Variants in PLXNA1 observed in about 807,000 individuals in gnomAD.
PLXNA1 encodes the protein plexin A1, also known as plexin-A1.
In PLXNA1, 77 loss-of-function variants were observed where a neutral mutation model predicts 191.7. That is an observed-to-expected ratio of 0.40 (90% CI 0.33 to 0.49). The LOEUF is 0.49. Among genes scored for constraint, PLXNA1 ranks in the 20% least tolerant of loss-of-function variants. The probability of loss-of-function intolerance (pLI) is 0.63; values close to 1 mark genes in which losing one functional copy is unlikely to be tolerated. For synonymous variants in PLXNA1, 1,137 were observed against 1,156.4 expected, an observed-to-expected ratio of 0.98 and a Z score of 0.34; for missense variants, 2,110 against 2,660.2, an observed-to-expected ratio of 0.79 and a Z score of 4.55.
chr3:127,033,814 T>C, intron 31 of PLXNA1, 108 bp from the exon 32 acceptor site: 4 of 892,626 alleles, frequency 4.5e-6, no homozygotes, highest in Non-Finnish European at 6.9e-6. Context: ...TGGCCAGGGG[T>C]AGATGGGGTT....
At chr3:126,998,940 A>G (rs570101940) in intron 3 of PLXNA1, among the ~76,000 whole-genome samples, 5 of 152,258 alleles carry the variant, frequency 3.3e-5, no homozygotes, top group African/African-American at 1.2e-4. Context: ...TAATTACCCA[A>G]TTACTGCCAA....
At position 127,034,179 on chromosome 3, in the gene PLXNA1, G is replaced by T. The variant is rs2079227946; in HGVS notation, c.*162G>T. 8.1e-6 allele frequency: 5 copies of T among 614,616 alleles called. No homozygotes were observed. The Admixed American group carries it at 1.1e-4, about 14-fold the overall frequency. The allele number at this position is 614,616 out of a possible 1,614,324, so 38.1% of individuals were successfully genotyped here. ...CCCTGCCTCACCCGGTCGGGTCCCG[G>T]CTCTTCCTGTGTGGAGGTGATGGTA... On this transcript the variant is annotated 3_prime_UTR_variant, in exon 32 of 32. Transcript: ENST00000393409.
At chr3:127,015,938 G>GT (rs1459631951) in intron 15 of PLXNA1, among the ~76,000 whole-genome samples, 1 of 152,192 alleles carries the variant, frequency 6.6e-6, no homozygotes, top group Non-Finnish European at 1.5e-5. Flanking sequence ...ATAGGGCGAG[G>GT]TATTCCCACT....
intron 9 of PLXNA1, 29 bp from the exon 10 acceptor site, chr3:127,011,929 G>A (rs562376923): frequency 3.9e-5 from 62 of 1,601,374 alleles, no homozygotes; most frequent in Admixed American, 2.2e-4. Context: ...CTCCGCCCCC[G>A]GGCTCAGCCA....
chr3:127,015,031 C>G (rs1291042614), intron 14 of PLXNA1, among the ~76,000 whole-genome samples, 153 bp from the exon 15 acceptor site: 2 of 152,188 alleles, frequency 1.3e-5, no homozygotes, highest in Non-Finnish European at 2.9e-5. Context: ...CCTGAGAAAC[C>G]TGGAAGTACT....
rs974937571 is a variant in PLXNA1, at chr3:127,036,986, C to G, written c.*2969C>G. ...TTGGCCTGAGGGGCTGGGGGCCCCA[C>G]GACCTGCAGCGTCGAGTCCGGGAGA... On this transcript the variant is annotated 3_prime_UTR_variant, in exon 32 of 32. Transcript: ENST00000393409. The G allele has an allele frequency of 6.6e-6, 1 of 152,324 alleles. No homozygotes were observed. Among genetic ancestry groups the G allele is most frequent in the Non-Finnish European group, 1.5e-5 (1 of 68,050 alleles). 9.4% of individuals were successfully genotyped at this position (152,324 alleles called of 1,614,324 possible). A position where few individuals can be genotyped will look rare whatever the true frequency, so the allele number is the denominator to read the frequency against.
rs746379194 is a variant in PLXNA1 at position 127,014,499 on chromosome 3, A to G, written c.2626A>G (p.Arg876Gly). ...ILKLSPETGP[R>G]QGGTRLTITG... ...TCAGCTGTCCCCCGAGACGGGCCCG[A>G]GGCAGGGCGGCACGCGGCTCACTAT... The change falls in exon 13 of 32, where the codon AGG becomes GGG. Residue 876 changes from arginine to glycine, a missense_variant. Transcript: ENST00000393409. 7.5e-6 allele frequency: 12 copies of G among 1,604,972 alleles called. No individual in the cohort carries two copies. Among genetic ancestry groups the G allele is most frequent in the Non-Finnish European group, 9.3e-6 (11 of 1,179,596 alleles).
intron 29 of PLXNA1, among the ~76,000 whole-genome samples, chr3:127,030,959 T>C (rs140734962): frequency 0.011 from 1,746 of 152,292 alleles, 16 homozygotes; most frequent in Middle Eastern, 0.041. Context: ...GCTACACCAA[T>C]GTGAGCTGGG....
At chr3:127,002,296 G>C (rs2079044722) in intron 3 of PLXNA1, among the ~76,000 whole-genome samples, 1 of 152,218 alleles carries the variant, frequency 6.6e-6, no homozygotes, top group East Asian at 1.9e-4. Flanking sequence ...AGCGGATGTG[G>C]GGGGTGGCCG....
In PLXNA1 at chr3:127,036,919, C is replaced by G. The variant is rs1035890500; in HGVS notation, c.*2902C>G. On this transcript the variant is annotated 3_prime_UTR_variant, in exon 32 of 32. Coordinates refer to ENST00000393409, the MANE Select transcript of PLXNA1 (RefSeq NM_032242.4). ...GGGAGCCTGGCCTCTTGATATACCTCGAGCTTCCCCTGTGCTCCCCAGCCC... is the reference window on the plus strand; with the variant it reads ...GGGAGCCTGGCCTCTTGATATACCTGGAGCTTCCCCTGTGCTCCCCAGCCC... 6.6e-6 allele frequency: 1 copy of G among 152,330 alleles called. No individual in the cohort carries two copies. The highest frequency in any genetic ancestry group is 1.5e-5 in the Non-Finnish European group (1 of 68,108). The allele number at this position is 152,330 out of a possible 1,614,324, so 9.4% of individuals were successfully genotyped here. A position where few individuals can be genotyped will look rare whatever the true frequency, so the allele number is the denominator to read the frequency against.
At chr3:127,006,313 G>A (rs1260676574) in intron 8 of PLXNA1, 135 bp downstream of exon 8, 3 of 721,916 alleles carry the variant, frequency 4.2e-6, no homozygotes, top group African/African-American at 3.5e-5. Context: ...TTCCATGATT[G>A]GGGCTCCTGA....
Position 127,014,810 on chromosome 3 carries a change from A to T in PLXNA1, c.2856A>T (p.Ser952=). 1.2e-6 allele frequency: 2 copies of T among 1,612,528 alleles called. No individual in the cohort carries two copies. The highest frequency in any genetic ancestry group is 2.2e-5 in the South Asian group (2 of 91,036). ...GCTCACCACACTACCGCGCCCTGTC[A>T]CCCAAGCGCTTCACCTTCGTGGTGA... ...RDCSPHYRAL[S]PKRFTFVTPT... is the part of the protein sequence containing the mutation. The change falls in exon 14 of 32, where the codon TCA becomes TCT. Residue 952 remains serine (S), a synonymous_variant. Transcript: ENST00000393409.
chr3:126,984,480 T>C (rs538488012), intron 1 of PLXNA1, among the ~76,000 whole-genome samples: 15 of 152,236 alleles, frequency 9.9e-5, no homozygotes, highest in African/African-American at 3.6e-4. Context: ...CTCGATTTCC[T>C]GCGGCTTGGG....
chr3:127,020,820 AGGTGCG>A (rs1455603224), intron 21 of PLXNA1, among the ~76,000 whole-genome samples: 1 of 152,078 alleles, frequency 6.6e-6, no homozygotes, highest in East Asian at 1.9e-4. Context: ...GTGTGCTGGG[AGGTGCG>A]GGTGCCTGAT....
At chr3:127,027,291 C>T in intron 23 of PLXNA1, 1 of 255,256 alleles carries the variant, frequency 3.9e-6, no homozygotes, top group East Asian at 1.1e-4. Flanking sequence ...CAGGTGCCCG[C>T]TGAGGGCCCG....
chr3:127,030,153 A>G, intron 28 of PLXNA1, 89 bp downstream of exon 28: 3 of 1,586,428 alleles, frequency 1.9e-6, no homozygotes, highest in Non-Finnish European at 2.6e-6. Flanking sequence ...CCTCACCCCC[A>G]TGCTCCCATG....
At chr3:127,013,548 C>T (rs939959272) in intron 10 of PLXNA1, among the ~76,000 whole-genome samples, 14 of 152,224 alleles carry the variant, frequency 9.2e-5, no homozygotes, top group African/African-American at 3.4e-4. Flanking sequence ...GGACGGGGAG[C>T]AGAGCTGCAC....
chr3:126,983,976 C>T (rs539108805), intron 1 of PLXNA1, among the ~76,000 whole-genome samples: 134 of 152,302 alleles, frequency 8.8e-4, no homozygotes, highest in Middle Eastern at 3.4e-3. Context: ...CTGGGTGCCG[C>T]CCAGGAGGCC....
rs1320333707 is a variant in PLXNA1 at position 127,012,123 on chromosome 3, T to C, written c.2278T>C (p.Phe760Leu). 1 of 1,612,912 alleles carries C rather than the reference T, an allele frequency of 6.2e-7. No individual in the cohort carries two copies. The highest frequency in any genetic ancestry group is 1.3e-5 in the African/African-American group (1 of 74,942). Residue 760 changes from phenylalanine to leucine, a missense_variant, in exon 10 of 32, where the codon TTC becomes CTC. Physicochemically the swap from Phe to Leu is conservative, Grantham distance 22 (BLOSUM62 0). Around this residue, in one of 4 missense-constraint regions of PLXNA1, gnomAD observed 644 missense variants for 714.3 expected, o/e 0.90. Coordinates refer to ENST00000393409, the MANE Select transcript of PLXNA1 (RefSeq NM_032242.4). ...GSPARVTALR[F>L]NSSSLQCQNS... Reference sequence around the variant, plus strand: ...CCCGGCCCGTGTCACCGCCCTGCGCTTCAACAGCTCCAGCCTGCAGTGCCA... The same window carrying C: ...CCCGGCCCGTGTCACCGCCCTGCGCCTCAACAGCTCCAGCCTGCAGTGCCA...
Sources: allele counts gnomAD v4.1 joint callset (sites outside exome capture counted in the v4.1 genomes callset), GRCh38; gene constraint gnomAD v4.1.1; regional missense constraint gnomAD v4.1.1; transcripts MANE v1.5; gene names NCBI Gene and HGNC (gene_info 2026-07-23, HGNC 2026-07-21).